SPIDR: variants seen among roughly 807,000 people sequenced by gnomAD.
SPIDR encodes DNA repair-scaffolding protein.
A neutral mutation model predicts 104.6 loss-of-function variants in SPIDR; 93 were observed. That is an observed-to-expected ratio of 0.89 (90% CI 0.75 to 1.06). SPIDR has a LOEUF of 1.06. Among genes scored for constraint, SPIDR ranks in the 50% least tolerant of loss-of-function variants. SPIDR has a pLI of 0.00. For synonymous variants in SPIDR, 431 were observed against 416.9 expected (o/e 1.03, Z -0.41); for missense variants, 1,154 against 1,111.2 (o/e 1.04, Z -0.55).
chr8:47,432,385 G>A (rs782030165), intron 7 of SPIDR, among the ~76,000 whole-genome samples: 7 of 152,148 alleles, frequency 4.6e-5, no homozygotes. Flanking sequence ...AAGTGCAGTT[G>A]AGATGAAGGG....
intron 8 of SPIDR, among the ~76,000 whole-genome samples, chr8:47,490,423 T>G (rs1383481389): frequency 6.6e-5 from 10 of 152,248 alleles, no homozygotes; most frequent in African/African-American, 2.4e-4. Context: ...TCAACCATTG[T>G]GGAAGACAGT....
At chr8:47,735,011 C>CT (rs1479911626) in intron 19 of SPIDR, among the ~76,000 whole-genome samples, 1 of 152,166 alleles carries the variant, frequency 6.6e-6, no homozygotes, top group Non-Finnish European at 1.5e-5. Context: ...CCAGCAGAGT[C>CT]TGTGTGCATC....
intron 7 of SPIDR, among the ~76,000 whole-genome samples, chr8:47,416,559 G>T (rs559648136): frequency 1.1e-4 from 17 of 152,142 alleles, no homozygotes; most frequent in Admixed American, 1.0e-3. Context: ...CGATTGTCAG[G>T]TGTTATGGTA....
At chr8:47,347,567 A>G (rs1361006024) in intron 5 of SPIDR, among the ~76,000 whole-genome samples, 2 of 152,054 alleles carry the variant, frequency 1.3e-5, no homozygotes, top group Non-Finnish European at 2.9e-5. Context: ...TCCCATTATT[A>G]TTGTGTAGTA....
intron 5 of SPIDR, among the ~76,000 whole-genome samples, chr8:47,303,667 T>A (rs1296125708): frequency 6.6e-6 from 1 of 152,240 alleles, no homozygotes; most frequent in Non-Finnish European, 1.5e-5. Context: ...ATTTATTTAT[T>A]TGCATATGTT....
At chr8:47,521,661 A>AGCC in intron 8 of SPIDR, among the ~76,000 whole-genome samples, 1 of 151,076 alleles carries the variant, frequency 6.6e-6, no homozygotes, top group East Asian at 2.0e-4. Context: ...TGACCTCGTG[A>AGCC]TCCGCCCACC....
intron 5 of SPIDR, among the ~76,000 whole-genome samples, chr8:47,294,686 A>G (rs1056149759): frequency 2.0e-4 from 30 of 152,192 alleles, no homozygotes; most frequent in African/African-American, 3.6e-4. Flanking sequence ...GCTAGAACGC[A>G]ATGGTGCGAT....
At chr8:47,731,200 G>A (rs1408939338) in intron 19 of SPIDR, among the ~76,000 whole-genome samples, 2 of 151,664 alleles carry the variant, frequency 1.3e-5, no homozygotes, top group African/African-American at 2.4e-5. Context: ...AGGTTGCAGT[G>A]AGCTGAGATT....
At chr8:47,430,721 A>C (rs2067209857) in intron 7 of SPIDR, among the ~76,000 whole-genome samples, 1 of 152,206 alleles carries the variant, frequency 6.6e-6, no homozygotes, top group Non-Finnish European at 1.5e-5. Flanking sequence ...TTTGTTTCTC[A>C]GTTGATGCCA....
chr8:47,482,497 G>T (rs1015102692), intron 8 of SPIDR, among the ~76,000 whole-genome samples: 2 of 152,152 alleles, frequency 1.3e-5, no homozygotes, highest in Non-Finnish European at 2.9e-5. Context: ...GCCTTTGCTT[G>T]CATTCTCATG....
At chr8:47,522,172 CAA>C (rs781613495) in intron 8 of SPIDR, among the ~76,000 whole-genome samples, 53 of 65,570 alleles carry the variant, frequency 8.1e-4, no homozygotes, top group African/African-American at 2.3e-3. Context: ...GAGTCTGTCT[CAA>C]AAAAAAAAAA....
In SPIDR at chr8:47,499,544, CT is replaced by C. The variant is rs759672744; in HGVS notation, c.1097+59017del. Among the ~76,000 whole-genome samples the C allele has an allele frequency of 6.8e-3, 894 of 130,734 alleles. 3 individuals carry two copies. Among genetic ancestry groups the C allele is most frequent in the Admixed American group, 0.02 (258 of 13,204 alleles). The allele number at this position is 130,734 out of a possible 152,430, so 85.8% of individuals were successfully genotyped here. On this transcript the variant is annotated intron_variant, in intron 8 of 19. Transcript: ENST00000297423. ...ACCATCAAATGATACGGCAGCATTT[CT>C]TTTTTTTTTTTTTTACCCTTGATTT...
intron 5 of SPIDR, among the ~76,000 whole-genome samples, chr8:47,384,314 G>T (rs2059640122): frequency 6.6e-6 from 1 of 152,134 alleles, no homozygotes; most frequent in African/African-American, 2.4e-5. Context: ...AAAAAGTATA[G>T]CTTTACTGAT....
rs372477578 is a variant in SPIDR, at chr8:47,453,548, T to C, written c.1097+13006T>C. ...AGACCAATGGAACAGAACAGAGCCC[T>C]CAGAAATAATACCACACATCTACAA... On this transcript the variant is annotated intron_variant, in intron 8 of 19. Transcript: ENST00000297423. 4.6e-5 allele frequency among the ~76,000 whole-genome samples: 7 copies of C among 152,196 alleles called. No homozygotes were observed. The East Asian group carries it at 9.7e-4, about 21-fold the overall frequency.
At chr8:47,708,707 C>G (rs1287993546) in intron 14 of SPIDR, among the ~76,000 whole-genome samples, 6 of 152,158 alleles carry the variant, frequency 3.9e-5, no homozygotes, top group Non-Finnish European at 7.4e-5. Flanking sequence ...GGCAAACATT[C>G]TTATTTTTAC....
At chr8:47,689,744 G>A (rs918941571) in intron 11 of SPIDR, among the ~76,000 whole-genome samples, 7 of 152,132 alleles carry the variant, frequency 4.6e-5, no homozygotes, top group African/African-American at 1.7e-4. Context: ...CGTGACTGGG[G>A]GTGGCATGGG....
chr8:47,284,079 C>T lies in SPIDR; in HGVS notation c.241C>T (p.Pro81Ser), dbSNP rs2038333658. Residue 81 changes from proline to serine, a missense_variant, in exon 3 of 20, where the codon CCT (proline) becomes TCT (serine). By Grantham distance (74) the Pro-to-Ser change is moderately conservative (BLOSUM62 -1). Coordinates refer to ENST00000297423, the MANE Select transcript of SPIDR (RefSeq NM_001080394.4). Reference protein sequence around the residue: ...TITEKHLELCPRPKQETTTSK... With the variant: ...TITEKHLELCSRPKQETTTSK... ...TACAGAAAAGCACCTTGAATTATGC[C>T]CTAGACCCAAGCAAGGTAACTATTT... 5 of 1,610,824 alleles carry T rather than the reference C, an allele frequency of 3.1e-6. No individual in the cohort carries two copies. Among genetic ancestry groups the T allele is most frequent in the Non-Finnish European group, 4.2e-6 (5 of 1,178,540 alleles).
At chr8:47,623,212 G>A (rs1421946681) in intron 10 of SPIDR, among the ~76,000 whole-genome samples, 1 of 152,152 alleles carries the variant, frequency 6.6e-6, no homozygotes, top group Non-Finnish European at 1.5e-5. Context: ...CACCAGGCCT[G>A]CCCTAAAAGA....
chr8:47,262,960 T>C (rs950219983), intron 1 of SPIDR, among the ~76,000 whole-genome samples: 2 of 152,226 alleles, frequency 1.3e-5, no homozygotes, highest in South Asian at 4.1e-4. Flanking sequence ...CTAAATCTCA[T>C]TTTACTTCTT....
Sources: gnomAD v4.1 joint callset for allele counts (sites outside exome capture counted in the v4.1 genomes callset) on GRCh38, gnomAD v4.1.1 for gene constraint, MANE v1.5 for transcripts, NCBI Gene and HGNC (gene_info 2026-07-23, HGNC 2026-07-21) for gene names.